Variants in SMC5 observed in about 807,000 individuals in gnomAD.
SMC5 encodes structural maintenance of chromosomes 5.
SMC5 carries 88 observed loss-of-function variants against 148.3 expected under a neutral mutation model. The ratio of observed to expected loss-of-function variants is 0.59; its 90% CI spans 0.50 to 0.71. The LOEUF is 0.71. Among genes scored for constraint, SMC5 ranks in the 30% least tolerant of loss-of-function variants. The pLI, the probability that SMC5 is intolerant of heterozygous loss-of-function variation, is 0.00. For missense variants in SMC5, 1,142 were observed against 1,298.9 expected (o/e 0.88, Z 1.86); for synonymous variants, 421 against 432.8 (o/e 0.97, Z 0.34).
intron 5 of SMC5, among the ~76,000 whole-genome samples, chr9:70,280,009 G>A (rs928095869): frequency 6.6e-6 from 1 of 151,908 alleles, no homozygotes; most frequent in Non-Finnish European, 1.5e-5. Context: ...GTATTTTACT[G>A]TAATTAAATG....
At chr9:70,336,738 ATGT>A (rs1184313276) in intron 17 of SMC5, among the ~76,000 whole-genome samples, 2 of 152,160 alleles carry the variant, frequency 1.3e-5, no homozygotes, top group Admixed American at 6.5e-5. Flanking sequence ...CATATAGGAA[ATGT>A]TGTTATAAAA....
chr9:70,287,834 T>A (rs1205364591), intron 8 of SMC5, among the ~76,000 whole-genome samples: 1 of 152,076 alleles, frequency 6.6e-6, no homozygotes, highest in African/African-American at 2.4e-5. Context: ...ATTTCTGGGG[T>A]TTTTGTTTGT....
chr9:70,312,484 C>T (rs578170292), intron 11 of SMC5, among the ~76,000 whole-genome samples: 1 of 152,288 alleles, frequency 6.6e-6, no homozygotes, highest in South Asian at 2.1e-4. Flanking sequence ...TATCAAATGA[C>T]AAGATTGGAC....
intron 17 of SMC5, 48 bp downstream of exon 17, chr9:70,324,191 T>C (rs2036019363): frequency 6.4e-7 from 1 of 1,551,336 alleles, no homozygotes; most frequent in Non-Finnish European, 8.6e-7. Context: ...AACCTCAGAC[T>C]GGTTTGAAAA....
intron 17 of SMC5, 148 bp from the exon 18 acceptor site, chr9:70,343,994 TAA>T (rs925202854): frequency 3.2e-5 from 15 of 464,732 alleles, no homozygotes; most frequent in African/African-American, 2.6e-4. Flanking sequence ...ACCTTTATAA[TAA>T]AAAGAGTCAT....
chr9:70,303,481 G>A (rs1029769115), intron 10 of SMC5, among the ~76,000 whole-genome samples: 2 of 152,178 alleles, frequency 1.3e-5, no homozygotes, highest in Middle Eastern at 6.8e-3. Context: ...ATTGTTCATA[G>A]CGTTTATGCC....
intron 12 of SMC5, among the ~76,000 whole-genome samples, chr9:70,315,149 A>G (rs1182404377): frequency 6.6e-6 from 1 of 152,042 alleles, no homozygotes; most frequent in East Asian, 1.9e-4. Context: ...ACTAAATGTA[A>G]AAAATGTTAA....
At chr9:70,314,205 A>G (rs574518279) in intron 11 of SMC5, among the ~76,000 whole-genome samples, 37 of 152,262 alleles carry the variant, frequency 2.4e-4, no homozygotes, top group African/African-American at 7.7e-4. Context: ...CTCCAGCCAG[A>G]AAGACTGCAG....
In SMC5 at chr9:70,353,102, T is replaced by A. The variant is rs528474534; in HGVS notation, c.*771T>A. ...TGTGGGGGCAGGGGTTGCTTTTTTT[T>A]ATTTTATTTAAAGTCAATTATATTT... On this transcript the variant is annotated 3_prime_UTR_variant, in exon 25 of 25. Coordinates refer to ENST00000361138, the MANE Select transcript of SMC5 (RefSeq NM_015110.4). The A allele has an allele frequency of 2.3e-4, 35 of 152,072 alleles. No individual in the cohort carries two copies. Among genetic ancestry groups the A allele is most frequent in the African/African-American group, 7.2e-4 (30 of 41,552 alleles). 9.4% of individuals were successfully genotyped at this position (152,072 alleles called of 1,614,324 possible).
At chr9:70,342,039 C>G (rs1238698054) in intron 17 of SMC5, among the ~76,000 whole-genome samples, 2 of 149,844 alleles carry the variant, frequency 1.3e-5, no homozygotes, top group East Asian at 2.0e-4. Flanking sequence ...CACATATACA[C>G]CATGGAATAC....
At chr9:70,324,737 T>G (rs2036033515) in intron 17 of SMC5, among the ~76,000 whole-genome samples, 1 of 152,058 alleles carries the variant, frequency 6.6e-6, no homozygotes, top group African/African-American at 2.4e-5. Context: ...AGCTGCAAAT[T>G]CAAGAGTTCC....
At chr9:70,293,263 T>G (rs1003994448) in intron 8 of SMC5, among the ~76,000 whole-genome samples, 1 of 152,146 alleles carries the variant, frequency 6.6e-6, no homozygotes, top group Non-Finnish European at 1.5e-5. Context: ...ATAAATTCTC[T>G]TATCCTTTGA....
intron 17 of SMC5, among the ~76,000 whole-genome samples, chr9:70,343,148 T>C (rs1292872131): frequency 1.1e-5 from 1 of 87,044 alleles, no homozygotes; most frequent in Non-Finnish European, 2.4e-5. Context: ...TTTCAGTCTC[T>C]TTTTTTTTTT....
intron 2 of SMC5, 88 bp from the exon 3 acceptor site, chr9:70,267,835 A>C: frequency 8.1e-7 from 1 of 1,234,032 alleles, no homozygotes; most frequent in Non-Finnish European, 1.2e-6. Context: ...AAAAATCTTG[A>C]TTTGACAAAT....
intron 3 of SMC5, among the ~76,000 whole-genome samples, chr9:70,273,053 T>C (rs1402795258): frequency 6.6e-6 from 1 of 152,206 alleles, no homozygotes. Flanking sequence ...AGATGGGTTT[T>C]CTAGTATTTT....
Position 70,286,256 on chromosome 9 carries a change from A to C in SMC5, c.1038A>C (p.Glu346Asp). 6.2e-7 allele frequency: 1 copy of C among 1,600,540 alleles called. No homozygotes were observed. The change falls in exon 8 of 25, where the codon GAA (glutamate) becomes GAC (aspartate). Residue 346 changes from glutamate to aspartate, a missense_variant. Glu to Asp is a conservative substitution (Grantham distance 45). This residue lies in a region of SMC5 where 743 missense variants were observed against 835.7 expected (regional missense o/e 0.89). Transcript: ENST00000361138. ...QKCKQKQDVIERKDKHIEELQ... is the reference protein window; with the variant it reads ...QKCKQKQDVIDRKDKHIEELQ... ...GCAAACAGAAGCAAGATGTTATAGA[A>C]AGGAAAGATAAACATGTAAGGTTTC...
At chr9:70,285,360 A>T (rs906997715) in intron 7 of SMC5, among the ~76,000 whole-genome samples, 2 of 152,218 alleles carry the variant, frequency 1.3e-5, no homozygotes, top group African/African-American at 4.8e-5. Context: ...TCATCAAATT[A>T]TGACAACATT....
intron 15 of SMC5, among the ~76,000 whole-genome samples, chr9:70,321,983 C>T (rs150250721): frequency 1.6e-4 from 24 of 152,218 alleles, no homozygotes; most frequent in African/African-American, 5.3e-4. Context: ...TAAGTAACAG[C>T]TCATTGTCTT....
intron 8 of SMC5, among the ~76,000 whole-genome samples, chr9:70,292,442 T>C (rs1435430577): frequency 6.6e-6 from 1 of 152,180 alleles, no homozygotes; most frequent in Non-Finnish European, 1.5e-5. Flanking sequence ...GGCAGTCATG[T>C]CAGCTACAAA....
Sources: gnomAD v4.1 joint callset for allele counts (sites outside exome capture counted in the v4.1 genomes callset) on GRCh38, gnomAD v4.1.1 for gene constraint, gnomAD v4.1.1 regional missense constraint, MANE v1.5 for transcripts, NCBI Gene and HGNC (gene_info 2026-07-23, HGNC 2026-07-21) for gene names.